PATJ: variants seen among roughly 807,000 people sequenced by gnomAD.
PATJ encodes PATJ crumbs cell polarity complex component, also known as inaD-like protein.
In PATJ, 190 loss-of-function variants were observed where a neutral mutation model predicts 224.9. That is an observed-to-expected ratio of 0.84 (90% CI 0.75 to 0.95). The LOEUF is 0.95. Among genes scored for constraint, PATJ ranks in the 40% least tolerant of loss-of-function variants. The pLI, the probability that PATJ is intolerant of heterozygous loss-of-function variation, is 0.00. For missense variants in PATJ, 2,121 were observed against 2,270.3 expected (o/e 0.93, Z 1.34); for synonymous variants, 769 against 820.3 (o/e 0.94, Z 1.07).
intron 19 of PATJ, among the ~76,000 whole-genome samples, chr1:61,863,056 G>C (rs1283738746): frequency 1.2e-5 from 1 of 83,430 alleles, no homozygotes; most frequent in Non-Finnish European, 2.3e-5. Flanking sequence ...TTTTTTTTGA[G>C]ATGGTATCTT....
chr1:61,968,224 C>CT (rs1324720651), intron 27 of PATJ, among the ~76,000 whole-genome samples: 5 of 151,820 alleles, frequency 3.3e-5, no homozygotes, highest in South Asian at 4.2e-4. Context: ...AGGACTTAAT[C>CT]TTTTTTTTGT....
At chr1:62,135,499 G>C (rs1361329237) in intron 41 of PATJ, among the ~76,000 whole-genome samples, 1 of 115,806 alleles carries the variant, frequency 8.6e-6, no homozygotes, top group Non-Finnish European at 1.6e-5. Context: ...CTGGGTGACA[G>C]AGCGAGACTC....
intron 43 of PATJ, among the ~76,000 whole-genome samples, chr1:62,156,228 T>G (rs1268294322): frequency 1.3e-5 from 2 of 150,970 alleles, no homozygotes; most frequent in African/African-American, 4.9e-5. Flanking sequence ...AAAAAAATTT[T>G]TTTTTAGACT....
intron 37 of PATJ, 53 bp from the exon 38 acceptor site, chr1:62,121,128 T>C: frequency 8.9e-7 from 1 of 1,127,010 alleles, no homozygotes; most frequent in Non-Finnish European, 1.3e-6. Context: ...AGTATGCATT[T>C]AGGGGGTCAA....
chr1:61,895,415 C>T (rs904055285), intron 22 of PATJ, among the ~76,000 whole-genome samples: 1 of 152,224 alleles, frequency 6.6e-6, no homozygotes, highest in African/African-American at 2.4e-5. Context: ...AGGCCCAAGG[C>T]CCTGCTACTC....
chr1:61,911,331 A>G (rs1177140856), intron 25 of PATJ, among the ~76,000 whole-genome samples: 1 of 152,176 alleles, frequency 6.6e-6, no homozygotes, highest in East Asian at 1.9e-4. Context: ...CTTCTGCCTC[A>G]GCCTCCTGAG....
intron 17 of PATJ, among the ~76,000 whole-genome samples, chr1:61,852,119 TAAAA>T (rs3030913): frequency 1.5e-3 from 162 of 108,910 alleles, no homozygotes; most frequent in African/African-American, 5.4e-3. Flanking sequence ...GATTCTGTCT[TAAAA>T]AAAAAAAAAA....
chr1:62,027,320 C>T (rs1388621318), intron 29 of PATJ, among the ~76,000 whole-genome samples: 4 of 152,194 alleles, frequency 2.6e-5, no homozygotes, highest in Admixed American at 6.5e-5. Flanking sequence ...GGCTGAATAA[C>T]GTTCCATTTT....
At chr1:61,814,551 C>CGT (rs958016503) in intron 14 of PATJ, among the ~76,000 whole-genome samples, 11 of 118,202 alleles carry the variant, frequency 9.3e-5, no homozygotes, top group Admixed American at 4.0e-4. Flanking sequence ...TGTGTGTGCG[C>CGT]GCGCGCGCGC....
At chr1:62,159,342 C>T (rs1453186780) in intron 43 of PATJ, among the ~76,000 whole-genome samples, 1 of 152,032 alleles carries the variant, frequency 6.6e-6, no homozygotes, top group Non-Finnish European at 1.5e-5. Flanking sequence ...CAGGCATGCG[C>T]CATCACATCC....
chr1:61,751,251 T>C (rs569994225), intron 1 of PATJ, among the ~76,000 whole-genome samples: 1 of 152,058 alleles, frequency 6.6e-6, no homozygotes, highest in Non-Finnish European at 1.5e-5. Flanking sequence ...ATCCGTCTCC[T>C]TGGCCTCCCA....
intron 14 of PATJ, among the ~76,000 whole-genome samples, chr1:61,810,822 G>A (rs758507282): frequency 2.4e-4 from 36 of 152,140 alleles, no homozygotes; most frequent in Non-Finnish European, 4.6e-4. Flanking sequence ...TAGTCAGGAG[G>A]CTGAGGCAGG....
intron 7 of PATJ, among the ~76,000 whole-genome samples, chr1:61,779,208 A>G (rs1465706356): frequency 1.3e-5 from 2 of 152,200 alleles, no homozygotes; most frequent in African/African-American, 4.8e-5. Context: ...TTTAAAAAAG[A>G]TATTATTTTA....
At chr1:62,062,760 G>A (rs1386908484) in intron 31 of PATJ, among the ~76,000 whole-genome samples, 1 of 152,094 alleles carries the variant, frequency 6.6e-6, no homozygotes, top group East Asian at 1.9e-4. Flanking sequence ...GCCTCCCAAA[G>A]TGCAGAGATG....
At chr1:61,852,106 A>G (rs1465435918) in intron 17 of PATJ, among the ~76,000 whole-genome samples, 1 of 134,606 alleles carries the variant, frequency 7.4e-6, no homozygotes, top group East Asian at 2.3e-4. Context: ...GGTGACAGAG[A>G]GGGATTCTGT....
At chr1:62,072,700 A>G (rs6699078) in intron 31 of PATJ, 85,091 of 148,660 alleles carry the variant, frequency 0.57, 24,899 homozygotes, top group Middle Eastern at 0.66. Context: ...CCTGTGAAGA[A>G]CACACTGCGC....
At chr1:61,915,695 CTTT>C (rs1283007359) in intron 26 of PATJ, among the ~76,000 whole-genome samples, 1 of 142,316 alleles carries the variant, frequency 7.0e-6, no homozygotes, top group Admixed American at 7.1e-5. Flanking sequence ...TCTTTTCTTT[CTTT>C]TTTTTTTTTG....
chr1:61,771,082 A>G (rs1223078675), intron 5 of PATJ, among the ~76,000 whole-genome samples: 3 of 151,986 alleles, frequency 2.0e-5, no homozygotes, highest in South Asian at 2.1e-4. Flanking sequence ...ATGGGTAGAG[A>G]TCAGATTGGA....
intron 1 of PATJ, among the ~76,000 whole-genome samples, chr1:61,759,526 C>T (rs1256329288): frequency 6.6e-6 from 1 of 151,680 alleles, no homozygotes; most frequent in African/African-American, 2.4e-5. Context: ...TCTCTTGCCT[C>T]AGCCTCCCAA....
Sources: gnomAD v4.1 joint callset for allele counts (sites outside exome capture counted in the v4.1 genomes callset) on GRCh38, gnomAD v4.1.1 for gene constraint, MANE v1.5 for transcripts, NCBI Gene and HGNC (gene_info 2026-07-23, HGNC 2026-07-21) for gene names.